PRDM11: variants seen among roughly 807,000 people sequenced by gnomAD.
PRDM11 encodes the protein PR/SET domain 11.
A neutral mutation model predicts 97.8 loss-of-function variants in PRDM11; 20 were observed. The ratio of observed to expected loss-of-function variants is 0.20; its 90% CI spans 0.14 to 0.30. The LOEUF (loss-of-function observed/expected upper bound fraction) is 0.30, where lower values mean the gene tolerates loss of function less well. Ranked by LOEUF, PRDM11 falls within the 10% of genes least tolerant of loss-of-function variation. The probability of loss-of-function intolerance (pLI) is 1.00; values close to 1 mark genes in which losing one functional copy is unlikely to be tolerated. For missense variants in PRDM11, 1,139 were observed against 1,555.2 expected (o/e 0.73, Z 4.50); for synonymous variants, 599 against 637.7 (o/e 0.94, Z 0.91).
rs932821068 is a variant in PRDM11 at position 45,219,459 on chromosome 11, A to G, written c.555-111A>G. The G allele has an allele frequency of 1.9e-5, 20 of 1,076,158 alleles. No homozygotes were observed. In the African/African-American group the frequency reaches 3.0e-4, roughly 16 times the overall value. 66.7% of individuals were successfully genotyped at this position (1,076,158 alleles called of 1,614,324 possible). ...GCTCTGCTGATGTTCACATGGGCCC[A>G]CGTGCCTGTGGACTTCTAACCATCC... On this transcript the variant is annotated intron_variant, in intron 5 of 7. Transcript: ENST00000683152. The surrounding 1 kb of genome is among the most constrained non-coding windows in gnomAD (Gnocchi z 4.2).
chr11:45,110,749 C>T (rs1852160244), intron 1 of PRDM11, among the ~76,000 whole-genome samples: 1 of 152,170 alleles, frequency 6.6e-6, no homozygotes, highest in South Asian at 2.1e-4. Flanking sequence ...GCTTCACATC[C>T]CATTCCCTCA....
At chr11:45,101,028 TTG>T (rs771806261) in intron 1 of PRDM11, among the ~76,000 whole-genome samples, 1 of 152,096 alleles carries the variant, frequency 6.6e-6, no homozygotes, top group African/African-American at 2.4e-5. Context: ...TATTGTGGCT[TTG>T]TGTGTGTGTG....
chr11:45,161,031 C>A (rs1851915133), intron 1 of PRDM11, among the ~76,000 whole-genome samples: 1 of 152,126 alleles, frequency 6.6e-6, no homozygotes, highest in South Asian at 2.1e-4. Flanking sequence ...GTCATAATGC[C>A]GCAGTTCAAA....
chr11:45,226,878 G>T lies in PRDM11; in HGVS notation c.2253G>T (p.Thr751=), dbSNP rs1002911901. The T allele has an allele frequency of 6.5e-7, 1 of 1,533,912 alleles. No homozygotes were observed. The highest frequency in any genetic ancestry group is 1.2e-5 in the South Asian group (1 of 83,962). Residue 751 remains threonine (T), a synonymous_variant, in exon 8 of 8, where the codon ACG becomes ACT. Transcript: ENST00000683152. ...GCATGTTCATGACCATCCGCAAGAC[G>T]CTGCCCTGGCTGCTGTGCCTGCCCT... is the stretch of plus-strand genomic sequence containing the variant. ...RASMFMTIRK[T]LPWLLCLPFM...
chr11:45,181,775 G>A lies in PRDM11; in HGVS notation c.9G>A (p.Glu3=), dbSNP rs143423151. 4.3e-6 allele frequency: 7 copies of A among 1,613,158 alleles called. No homozygotes were observed. The African/African-American group carries it at 8.0e-5, about 18-fold the overall frequency. Reference sequence around the variant, plus strand: ...CTGCGTCCCAGGACAGAATGACCGAGAACATGAAGGAGTGCTTGGCCCAGA... The same window carrying A: ...CTGCGTCCCAGGACAGAATGACCGAAAACATGAAGGAGTGCTTGGCCCAGA... MT[E]NMKECLAQTN... is the part of the protein sequence containing the mutation. The change falls in exon 2 of 8, where the codon GAG becomes GAA. Residue 3 remains glutamate, a synonymous_variant. Transcript: ENST00000683152.
intron 1 of PRDM11, among the ~76,000 whole-genome samples, chr11:45,110,617 C>T (rs1349632019): frequency 1.3e-5 from 2 of 152,236 alleles, no homozygotes; most frequent in Non-Finnish European, 2.9e-5. Context: ...GCCTCCCCGG[C>T]GCAACGACCT....
intron 1 of PRDM11, among the ~76,000 whole-genome samples, chr11:45,132,946 A>G (rs975852793): frequency 2.0e-5 from 3 of 152,168 alleles, no homozygotes; most frequent in Non-Finnish European, 4.4e-5. Context: ...AAAGAGGAGC[A>G]ACACCCTGCT....
At chr11:45,176,519 T>C in intron 1 of PRDM11, among the ~76,000 whole-genome samples, 1 of 152,214 alleles carries the variant, frequency 6.6e-6, no homozygotes, top group Non-Finnish European at 1.5e-5. Flanking sequence ...AGATAGGTTC[T>C]GATATCAGTG....
chr11:45,177,598 A>G (rs1328311014), intron 1 of PRDM11, among the ~76,000 whole-genome samples: 1 of 152,120 alleles, frequency 6.6e-6, no homozygotes, highest in Non-Finnish European at 1.5e-5. Flanking sequence ...TGTCTATTTC[A>G]AAGTAGAGAT....
At chr11:45,131,909 T>C (rs1447444135) in intron 1 of PRDM11, among the ~76,000 whole-genome samples, 1 of 152,160 alleles carries the variant, frequency 6.6e-6, no homozygotes, top group African/African-American at 2.4e-5. Flanking sequence ...GATTTTTTCT[T>C]TGGTGTTGGT....
chr11:45,212,600 G>C (rs2135820607), intron 5 of PRDM11: 1 of 456,360 alleles, frequency 2.2e-6, no homozygotes, highest in Non-Finnish European at 4.4e-6. Flanking sequence ...AGACCAGTCT[G>C]AGACGGTGGG....
chr11:45,172,884 T>A (rs937956314), intron 1 of PRDM11, among the ~76,000 whole-genome samples: 1 of 152,194 alleles, frequency 6.6e-6, no homozygotes, highest in East Asian at 1.9e-4. Flanking sequence ...GTGTTTCTTG[T>A]CCTACCACCC....
chr11:45,210,332 A>C (rs959201499), intron 5 of PRDM11, among the ~76,000 whole-genome samples: 2 of 151,582 alleles, frequency 1.3e-5, no homozygotes, highest in Non-Finnish European at 2.9e-5. Context: ...TCTCACATGC[A>C]CTTTGAAGCC....
At chr11:45,164,643 G>A (rs1004782340) in intron 1 of PRDM11, among the ~76,000 whole-genome samples, 1 of 152,190 alleles carries the variant, frequency 6.6e-6, no homozygotes, top group African/African-American at 2.4e-5. Flanking sequence ...CATGATTTGG[G>A]GTAAATGAGC....
chr11:45,227,019 A>T lies in PRDM11; in HGVS notation c.2394A>T (p.Ser798=). 1 of 1,533,884 alleles carries T rather than the reference A, an allele frequency of 6.5e-7. No homozygotes were observed. Among genetic ancestry groups the T allele is most frequent in the Non-Finnish European group, 8.7e-7 (1 of 1,146,708 alleles). The stretch of plus-strand genomic sequence containing the variant: ...AGCTGCTGAGCTTCTACCGCTACTC[A>T]CCGCGCCTCATGTGCGAGCTGCGGT... The part of the protein sequence containing the change: ...LKQLLSFYRY[S]PRLMCELRST... The change falls in exon 8 of 8, where the codon TCA becomes TCT. Residue 798 remains serine, a synonymous_variant. Coordinates refer to ENST00000683152, the MANE Select transcript of PRDM11 (RefSeq NM_001384648.1). The surrounding 1 kb of genome is among the most constrained non-coding windows in gnomAD (Gnocchi z 8.0).
intron 1 of PRDM11, among the ~76,000 whole-genome samples, chr11:45,169,501 C>A (rs1852149733): frequency 6.6e-6 from 1 of 152,238 alleles, no homozygotes; most frequent in Non-Finnish European, 1.5e-5. Flanking sequence ...GTGTATTACA[C>A]ATGTTAATTC....
intron 6 of PRDM11, among the ~76,000 whole-genome samples, chr11:45,220,284 T>A (rs1387914806): frequency 6.6e-6 from 1 of 152,222 alleles, no homozygotes; most frequent in African/African-American, 2.4e-5. Context: ...CTGCAATATC[T>A]GGTGTTGATA....
At chr11:45,133,670 C>T (rs1409101027) in intron 1 of PRDM11, among the ~76,000 whole-genome samples, 1 of 152,190 alleles carries the variant, frequency 6.6e-6, no homozygotes, top group East Asian at 1.9e-4. Flanking sequence ...GTAACTCCTT[C>T]CCTTCTTCTA....
At chr11:45,181,734 G>A (rs1852509295) in intron 1 of PRDM11, 27 bp from the exon 2 acceptor site, 3 of 1,591,514 alleles carry the variant, frequency 1.9e-6, no homozygotes, top group Admixed American at 1.7e-5. Flanking sequence ...TCCTCTTCCT[G>A]TGCTGGTCCC....
Sources: gnomAD v4.1 joint callset for allele counts (sites outside exome capture counted in the v4.1 genomes callset) on GRCh38, gnomAD v4.1.1 for gene constraint, Gnocchi (gnomAD v3.1) non-coding constraint, MANE v1.5 for transcripts, NCBI Gene and HGNC (gene_info 2026-07-23, HGNC 2026-07-21) for gene names.